REDIC1: variants seen among roughly 807,000 people sequenced by gnomAD.
The protein encoded by REDIC1 is regulator of DNA class I crossover intermediates 1.
chr12:39,693,389 T>C, the REDIC1 span, among the ~76,000 whole-genome samples: 1 of 151,906 alleles, frequency 6.6e-6, no homozygotes, highest in African/African-American at 2.4e-5. Context: ...TTATCCTCCC[T>C]GCCCTATTTC....
At chr12:39,637,489 T>A in the REDIC1 span, among the ~76,000 whole-genome samples, 1 of 152,084 alleles carries the variant, frequency 6.6e-6, no homozygotes, top group Admixed American at 6.6e-5. Context: ...TTAGTTTGGT[T>A]GAGTGTTGTA....
the REDIC1 span, among the ~76,000 whole-genome samples, chr12:39,898,881 A>G: frequency 2.0e-5 from 3 of 152,164 alleles, no homozygotes; most frequent in African/African-American, 4.8e-5. Flanking sequence ...CCTTGTATAT[A>G]AAATGGAAAA....
At chr12:39,720,821 T>G in the REDIC1 span, 1 of 1,611,886 alleles carries the variant, frequency 6.2e-7, no homozygotes, top group African/African-American at 1.3e-5. Flanking sequence ...TCACAGCAAA[T>G]TGAAGATTCA....
the REDIC1 span, among the ~76,000 whole-genome samples, chr12:39,751,823 G>C: frequency 6.6e-6 from 1 of 152,106 alleles, no homozygotes; most frequent in Non-Finnish European, 1.5e-5. Context: ...AACACCGCAT[G>C]TTCTCACTCA....
At chr12:39,828,329 T>G in the REDIC1 span, among the ~76,000 whole-genome samples, 1 of 152,136 alleles carries the variant, frequency 6.6e-6, no homozygotes, top group South Asian at 2.1e-4. Flanking sequence ...TTTTTTTTAG[T>G]TATTTTTATT....
At chr12:39,712,834 C>CATATACACGTATATACATATGT in the REDIC1 span, among the ~76,000 whole-genome samples, 4 of 132,200 alleles carry the variant, frequency 3.0e-5, no homozygotes, top group African/African-American at 7.9e-5. Context: ...TATGTATATA[C>CATATACACGTATATACATATGT]ATATACACGT....
At chr12:39,712,895 A>G in the REDIC1 span, among the ~76,000 whole-genome samples, 1 of 146,892 alleles carries the variant, frequency 6.8e-6, no homozygotes, top group East Asian at 2.0e-4. Flanking sequence ...ATATATGCAT[A>G]TACGTGTATA....
chr12:39,774,888 A>T, the REDIC1 span, among the ~76,000 whole-genome samples: 2 of 152,198 alleles, frequency 1.3e-5, no homozygotes, highest in African/African-American at 4.8e-5. Flanking sequence ...GACAGATGCA[A>T]ATTAAAACAA....
At chr12:39,734,438 G>T in the REDIC1 span, among the ~76,000 whole-genome samples, 1 of 152,118 alleles carries the variant, frequency 6.6e-6, no homozygotes, top group Non-Finnish European at 1.5e-5. Flanking sequence ...AATCAAATTT[G>T]TCTTTTAAAA....
chr12:39,683,867 C>T, the REDIC1 span, among the ~76,000 whole-genome samples: 1 of 151,982 alleles, frequency 6.6e-6, no homozygotes, highest in African/African-American at 2.4e-5. Context: ...TCAAACAGCT[C>T]TCAGTGGGAA....
chr12:39,759,808 A>G, the REDIC1 span: 1 of 519,836 alleles, frequency 1.9e-6, no homozygotes, highest in Non-Finnish European at 3.4e-6. Context: ...GAATTATTAG[A>G]TTAAAATCTC....
the REDIC1 span, among the ~76,000 whole-genome samples, chr12:39,660,500 CTT>C: frequency 2.0e-5 from 3 of 152,034 alleles, no homozygotes; most frequent in East Asian, 1.9e-4. Flanking sequence ...ATATTTTGTT[CTT>C]TTTTTTTAAA....
chr12:39,647,815 T>C, the REDIC1 span: 1 of 1,595,342 alleles, frequency 6.3e-7, no homozygotes, highest in Non-Finnish European at 8.5e-7. Context: ...ACTCATATAG[T>C]ATGCTTCACC....
the REDIC1 span, among the ~76,000 whole-genome samples, chr12:39,673,792 ATATT>A: frequency 1.3e-5 from 2 of 152,106 alleles, no homozygotes; most frequent in Non-Finnish European, 2.9e-5. Context: ...ATTATCTTTT[ATATT>A]TATTTACTTC....
the REDIC1 span, chr12:39,685,034 A>G: frequency 1.4e-6 from 1 of 692,554 alleles, no homozygotes; most frequent in Non-Finnish European, 2.3e-6. Context: ...TTTATTCATT[A>G]ATTTTTATTG....
the REDIC1 span, chr12:39,757,112 A>C: frequency 6.6e-6 from 1 of 151,808 alleles, no homozygotes; most frequent in Non-Finnish European, 1.5e-5. Context: ...ATTCAGCCCT[A>C]TGTGTTTATA....
the REDIC1 span, among the ~76,000 whole-genome samples, chr12:39,813,866 T>C: frequency 6.6e-6 from 1 of 152,230 alleles, no homozygotes; most frequent in Non-Finnish European, 1.5e-5. Context: ...ATTTTAAAAT[T>C]GGAGTTTCCA....
At chr12:39,708,474 G>C in the REDIC1 span, among the ~76,000 whole-genome samples, 1 of 151,458 alleles carries the variant, frequency 6.6e-6, no homozygotes, top group African/African-American at 2.4e-5. Flanking sequence ...TTTTATTTCT[G>C]GGTTTAGACT....
chr12:39,839,844 C>A, the REDIC1 span, among the ~76,000 whole-genome samples: 7 of 152,182 alleles, frequency 4.6e-5, no homozygotes, highest in South Asian at 1.2e-3. Flanking sequence ...TGGATGTTTT[C>A]CAAGTGTCTC....
Sources: gnomAD v4.1 joint callset for allele counts (sites outside exome capture counted in the v4.1 genomes callset) on GRCh38, gnomAD v4.1.1 for gene constraint, MANE v1.5 for transcripts, NCBI Gene and HGNC (gene_info 2026-07-23, HGNC 2026-07-21) for gene names.